The following SV2B variants were observed in gnomAD, a reference collection of about 807,000 sequenced individuals.
The protein encoded by SV2B is solute carrier family 22 member B2.
Under a neutral mutation model 73.9 loss-of-function variants are expected in SV2B, and 41 were observed. The ratio of observed to expected loss-of-function variants is 0.56; its 90% CI spans 0.43 to 0.72. The LOEUF (loss-of-function observed/expected upper bound fraction) is 0.72. SV2B is among the 30% of genes least tolerant of loss of function. SV2B has a pLI of 0.00. For missense variants in SV2B, 764 were observed against 857.8 expected (o/e 0.89, Z 1.37); for synonymous variants, 314 against 314.2 (o/e 1.00, Z 0.01).
At chr15:91,143,068 A>G (rs2043042964) in intron 1 of SV2B, among the ~76,000 whole-genome samples, 1 of 152,126 alleles carries the variant, frequency 6.6e-6, no homozygotes, top group Non-Finnish European at 1.5e-5. Flanking sequence ...AGTTCCAGGG[A>G]GGCTGTTTCC....
At chr15:91,184,944 A>G (rs1280159106) in intron 1 of SV2B, among the ~76,000 whole-genome samples, 1 of 152,276 alleles carries the variant, frequency 6.6e-6, no homozygotes, top group Non-Finnish European at 1.5e-5. Flanking sequence ...AATCTACTCC[A>G]AATGAGATAA....
rs2048143160 is a variant in SV2B, at chr15:91,267,414, C to T, written c.1120-141C>T. 13 of 662,130 alleles carry T rather than the reference C, an allele frequency of 2.0e-5. No homozygotes were observed. In the South Asian group the frequency reaches 2.6e-4, roughly 13 times the overall value. The allele number at this position is 662,130 out of a possible 1,614,324, so 41.0% of individuals were successfully genotyped here. A position where few individuals can be genotyped will look rare whatever the true frequency, so the allele number is the denominator to read the frequency against. ...CCTTGTTATTTGGACAGTTTTGCTGCCTCTAGGAGACAGTGGGGTACCGGT... is the reference window on the plus strand; with the variant it reads ...CCTTGTTATTTGGACAGTTTTGCTGTCTCTAGGAGACAGTGGGGTACCGGT... On this transcript the variant is annotated intron_variant, in intron 7 of 12. Transcript: ENST00000394232. The surrounding 1 kb of genome is among the most constrained non-coding windows in gnomAD (Gnocchi z 4.3).
chr15:91,298,701 T>G lies in SV2B; in HGVS notation c.*6149T>G, dbSNP rs982450332. On this transcript the variant is annotated 3_prime_UTR_variant, in exon 13 of 13. Transcript: ENST00000394232. The surrounding 1 kb of genome is among the most constrained non-coding windows in gnomAD (Gnocchi z 5.4). Reference sequence around the variant, plus strand: ...CCATTTACCTTTAATCCTACAGGCTTAAAATACTTTAAAATTTCAGAGACC... The same window carrying G: ...CCATTTACCTTTAATCCTACAGGCTGAAAATACTTTAAAATTTCAGAGACC... 6.6e-6 allele frequency: 1 copy of G among 152,212 alleles called. No homozygotes were observed. The highest frequency in any genetic ancestry group is 2.4e-5 in the African/African-American group (1 of 41,454). 9.4% of individuals were successfully genotyped at this position (152,212 alleles called of 1,614,324 possible).
chr15:91,278,847 C>T (rs544443407), intron 9 of SV2B, among the ~76,000 whole-genome samples: 42 of 151,828 alleles, frequency 2.8e-4, no homozygotes, highest in African/African-American at 8.7e-4. Flanking sequence ...TGTGAGAAGC[C>T]GGGGTGCCTG....
At chr15:91,099,693 A>G (rs2041669633), upstream of SV2B, among the ~76,000 whole-genome samples, 1 of 152,216 alleles carries the variant, frequency 6.6e-6, no homozygotes, top group South Asian at 2.1e-4. Flanking sequence ...CTGGCCGGGT[A>G]GGTTCTCTTC....
chr15:91,258,319 T>C lies in SV2B; in HGVS notation c.785-102T>C. ...CATTTTAACCACCTCCCCGGGTGACTCTCTTGTGCCCTGAAGTTTGTGAGC... is the reference window on the plus strand; with the variant it reads ...CATTTTAACCACCTCCCCGGGTGACCCTCTTGTGCCCTGAAGTTTGTGAGC... On this transcript the variant is annotated intron_variant, in intron 4 of 12. Coordinates refer to ENST00000394232, the MANE Select transcript of SV2B (RefSeq NM_001323032.3). The surrounding 1 kb of genome is among the most constrained non-coding windows in gnomAD (Gnocchi z 4.7). The C allele has an allele frequency of 6.6e-7, 1 of 1,509,044 alleles. No homozygotes were observed. Among genetic ancestry groups the C allele is most frequent in the Non-Finnish European group, 8.9e-7 (1 of 1,123,936 alleles). 93.5% of individuals were successfully genotyped at this position (1,509,044 alleles called of 1,614,324 possible).
rs1461290847 is a variant in SV2B, at chr15:91,229,540, C to T, written c.451+2826C>T. On this transcript the variant is annotated intron_variant, in intron 2 of 12. Coordinates refer to ENST00000394232, the MANE Select transcript of SV2B (RefSeq NM_001323032.3). The surrounding 1 kb of genome is among the most constrained non-coding windows in gnomAD (Gnocchi z 4.3). Reference sequence around the variant, plus strand: ...GCTTGGATTTGAATCCTTGCTGTGCCAGTTCTTAGTAGTGTGGTTTTGAGA... The same window carrying T: ...GCTTGGATTTGAATCCTTGCTGTGCTAGTTCTTAGTAGTGTGGTTTTGAGA... 6.6e-6 allele frequency among the ~76,000 whole-genome samples: 1 copy of T among 152,142 alleles called. No homozygotes were observed. Among genetic ancestry groups the T allele is most frequent in the Non-Finnish European group, 1.5e-5 (1 of 68,014 alleles).
chr15:91,146,968 T>C lies in SV2B; in HGVS notation c.-392+46605T>C, dbSNP rs149192313. Among the ~76,000 whole-genome samples the C allele has an allele frequency of 5.3e-3, 811 of 152,328 alleles. 4 individuals carry two copies. The highest frequency in any genetic ancestry group is 0.018 in the African/African-American group (767 of 41,560). On this transcript the variant is annotated intron_variant, in intron 1 of 12. Transcript: ENST00000394232. Reference sequence around the variant, plus strand: ...GATCAAGAGTGACTCATGCAATGTTTGCAAAGCTTCTGAGCCATATAACTC... The same window carrying C: ...GATCAAGAGTGACTCATGCAATGTTCGCAAAGCTTCTGAGCCATATAACTC...
chr15:91,163,817 T>G (rs1445302519), intron 1 of SV2B, among the ~76,000 whole-genome samples: 1 of 152,214 alleles, frequency 6.6e-6, no homozygotes, highest in Non-Finnish European at 1.5e-5. Context: ...CTTTTGGTGT[T>G]TTAGTCATGA....
rs113015746 is a variant in SV2B at position 91,193,588 on chromosome 15, C to T, written c.-391-32285C>T. ...CATGCATTTTAAAAAATTTGAAGGC[C>T]TTTGAAGACATCCAAGTATGTGAGA... On this transcript the variant is annotated intron_variant, in intron 1 of 12. Coordinates refer to ENST00000394232, the MANE Select transcript of SV2B (RefSeq NM_001323032.3). Among the ~76,000 whole-genome samples, 1,163 of 152,226 alleles carry T rather than the reference C, an allele frequency of 7.6e-3. 5 individuals carry two copies. Among genetic ancestry groups the T allele is most frequent in the Middle Eastern group, 0.014 (4 of 292 alleles).
At chr15:91,238,212 T>G (rs2046866204) in intron 2 of SV2B, among the ~76,000 whole-genome samples, 1 of 152,232 alleles carries the variant, frequency 6.6e-6, no homozygotes, top group Non-Finnish European at 1.5e-5. Flanking sequence ...TTATAATAAT[T>G]ATACTACTAT....
intron 1 of SV2B, among the ~76,000 whole-genome samples, chr15:91,204,415 C>T: frequency 6.6e-6 from 1 of 151,998 alleles, no homozygotes; most frequent in East Asian, 1.9e-4. Flanking sequence ...GAAGATGATG[C>T]CTTTATTTCT....
chr15:91,180,326 A>C (rs911906325), intron 1 of SV2B, among the ~76,000 whole-genome samples: 1 of 151,570 alleles, frequency 6.6e-6, no homozygotes, highest in Non-Finnish European at 1.5e-5. Flanking sequence ...TGCCCTTAAC[A>C]TTTTTTCCTT....
At chr15:91,278,059 A>G (rs1285639530) in intron 9 of SV2B, among the ~76,000 whole-genome samples, 2 of 152,190 alleles carry the variant, frequency 1.3e-5, no homozygotes, top group African/African-American at 4.8e-5. Context: ...TGACGTTGGC[A>G]CCAGGATTTC....
rs1419609548 is a variant in SV2B at position 91,261,682 on chromosome 15, A to G, written c.1008+1273A>G. On this transcript the variant is annotated intron_variant, in intron 6 of 12. Coordinates refer to ENST00000394232, the MANE Select transcript of SV2B (RefSeq NM_001323032.3). The surrounding 1 kb of genome is among the most constrained non-coding windows in gnomAD (Gnocchi z 4.7). Reference sequence around the variant, plus strand: ...TTCAACTGGGTTGTACCAATCTACAATGCCACAGGCAATAGAGGACCCATT... The same window carrying G: ...TTCAACTGGGTTGTACCAATCTACAGTGCCACAGGCAATAGAGGACCCATT... Among the ~76,000 whole-genome samples, 1 of 152,158 alleles carries G rather than the reference A, an allele frequency of 6.6e-6. No homozygotes were observed. Among genetic ancestry groups the G allele is most frequent in the African/African-American group, 2.4e-5 (1 of 41,444 alleles).
chr15:91,110,544 A>T lies in SV2B; in HGVS notation c.-392+10181A>T, dbSNP rs1458855001. On this transcript the variant is annotated intron_variant, in intron 1 of 12. Coordinates refer to ENST00000394232, the MANE Select transcript of SV2B (RefSeq NM_001323032.3). This position sits in a 1 kb window ranked among gnomAD's most constrained non-coding sequence, Gnocchi z 5.4. ...GCCATCCCTGCTCTATCGCACGCAGAATCTGACCGTGGCCTCTCGCCTGAT... is the reference window on the plus strand; with the variant it reads ...GCCATCCCTGCTCTATCGCACGCAGTATCTGACCGTGGCCTCTCGCCTGAT... 6.6e-6 allele frequency among the ~76,000 whole-genome samples: 1 copy of T among 152,178 alleles called. No individual in the cohort carries two copies. Among genetic ancestry groups the T allele is most frequent in the Non-Finnish European group, 1.5e-5 (1 of 68,034 alleles).
chr15:91,173,886 T>C (rs943570066), intron 1 of SV2B, among the ~76,000 whole-genome samples: 1 of 152,228 alleles, frequency 6.6e-6, no homozygotes, highest in Non-Finnish European at 1.5e-5. Context: ...GATTATCTTT[T>C]CAGTACTTTG....
In SV2B at chr15:91,188,716, A is replaced by G. The variant is rs111735608; in HGVS notation, c.-391-37157A>G. 3.3e-3 allele frequency among the ~76,000 whole-genome samples: 509 copies of G among 152,242 alleles called. 3 individuals carry two copies. The highest frequency in any genetic ancestry group is 0.012 in the African/African-American group (499 of 41,554). ...GATTAATCTGAACACTCTTATTTTT[A>G]TGCCCCATCAAGTATTACAGGTTTT... On this transcript the variant is annotated intron_variant, in intron 1 of 12. Transcript: ENST00000394232.
At chr15:91,247,096 C>T (rs952308386) in intron 2 of SV2B, among the ~76,000 whole-genome samples, 3 of 152,156 alleles carry the variant, frequency 2.0e-5, no homozygotes, top group Non-Finnish European at 2.9e-5. Context: ...TCTTCCTTTT[C>T]CTAGACTTCA....
Sources: gnomAD v4.1 joint callset for allele counts (sites outside exome capture counted in the v4.1 genomes callset) on GRCh38, gnomAD v4.1.1 for gene constraint, Gnocchi (gnomAD v3.1) non-coding constraint, MANE v1.5 for transcripts, NCBI Gene and HGNC (gene_info 2026-07-23, HGNC 2026-07-21) for gene names.